Variants in POLR1B observed in about 807,000 individuals in gnomAD.
POLR1B encodes RNA polymerase I subunit B, also known as DNA-directed RNA polymerase I subunit RPA2.
A neutral mutation model predicts 105.8 loss-of-function variants in POLR1B; 30 were observed. The ratio of observed to expected loss-of-function variants is 0.28; its 90% CI spans 0.21 to 0.38. The LOEUF (loss-of-function observed/expected upper bound fraction) is 0.38. Ranked by LOEUF, POLR1B falls within the 10% of genes least tolerant of loss-of-function variation. POLR1B has a pLI of 1.00. For missense variants in POLR1B, 976 were observed against 1,435.8 expected (o/e 0.68, Z 5.17); for synonymous variants, 485 against 505.1 (o/e 0.96, Z 0.53).
chr2:112,553,508 C>T (rs1683483895), intron 7 of POLR1B: 2 of 151,990 alleles, frequency 1.3e-5, no homozygotes, highest in Non-Finnish European at 2.9e-5. Context: ...GAAACAGGGT[C>T]CCACTATGTT....
Position 112,564,502 on chromosome 2 carries a change from G to A in POLR1B, c.1746+3G>A, listed in dbSNP as rs1474759192. ...CAGATTCTCTTCGTCATTTTAAGGT[G>A]GGCTTGAGGCTTTGTGAATTGTCCT... On this transcript the variant is annotated splice_donor_region_variant and intron_variant, in intron 10 of 14. Transcript: ENST00000263331. The A allele has an allele frequency of 1.9e-6, 3 of 1,614,212 alleles. No individual in the cohort carries two copies. The East Asian group carries it at 6.7e-5, about 36-fold the overall frequency.
rs869087985 is a variant in POLR1B at position 112,546,544 on chromosome 2, C to CTTTTTTTTTTTT, written c.178-444_178-433dup. ...GAAGTTATGAGTAGACTGGAGGTAG[C>CTTTTTTTTTTTT]TTTTTTTTTTTTTTTTTTTTTTTTT... On this transcript the variant is annotated intron_variant, in intron 1 of 14. Coordinates refer to ENST00000263331, the MANE Select transcript of POLR1B (RefSeq NM_019014.6). Among the ~76,000 whole-genome samples the CTTTTTTTTTTTT allele has an allele frequency of 5.6e-5, 3 of 53,188 alleles. 1 individual carries two copies. The highest frequency in any genetic ancestry group is 8.0e-5 in the African/African-American group (1 of 12,498). The allele number at this position is 53,188 out of a possible 152,430, so 34.9% of individuals were successfully genotyped here.
chr2:112,573,754 G>A lies in POLR1B; in HGVS notation c.2464G>A (p.Gly822Arg), dbSNP rs768833046. 65 of 1,614,114 alleles carry A rather than the reference G, an allele frequency of 4.0e-5. No individual in the cohort carries two copies. The highest frequency in any genetic ancestry group is 5.0e-5 in the Non-Finnish European group (59 of 1,180,042). The change falls in exon 14 of 15, where the codon GGA (glycine) becomes AGA (arginine). Residue 822 changes from glycine (G) to arginine (R), a missense_variant. Coordinates refer to ENST00000263331, the MANE Select transcript of POLR1B (RefSeq NM_019014.6). Reference sequence around the variant, plus strand: ...GTTTATAGGAGCAAAACTGCAGTACGGAGATCCGTATTACAGCTACCTCAA... The same window carrying A: ...GTTTATAGGAGCAAAACTGCAGTACAGAGATCCGTATTACAGCTACCTCAA... The part of the protein sequence containing the change: ...LPFIGAKLQY[G>R]DPYYSYLNLN...
In POLR1B at chr2:112,567,967, G is replaced by A. The variant is rs1208312810; in HGVS notation, c.1747G>A (p.Val583Met). The A allele has an allele frequency of 3.7e-6, 6 of 1,613,484 alleles. No homozygotes were observed. In the African/African-American group the frequency reaches 8.0e-5, roughly 22 times the overall value. The change falls in exon 11 of 15, where the codon GTG (valine) becomes ATG (methionine). Residue 583 changes from valine (V) to methionine (M), a missense_variant and splice_region_variant. By Grantham distance (21) the Val-to-Met change is conservative. Transcript: ENST00000263331. ...GIADSLRHFK[V>M]LREKRIPPWM... ...TAAACTCTGTTTTTGTTAAAAACAG[G>A]TGTTGAGAGAGAAAAGAATTCCTCC...
At chr2:112,568,161 G>C (rs949152140) in intron 11 of POLR1B, 24 bp downstream of exon 11, 3 of 1,599,580 alleles carry the variant, frequency 1.9e-6, no homozygotes, top group Non-Finnish European at 2.6e-6. Context: ...TGTGATGGAT[G>C]AGTGTATGTG....
chr2:112,548,652 A>G (rs1468635180), intron 3 of POLR1B, among the ~76,000 whole-genome samples: 1 of 146,126 alleles, frequency 6.8e-6, no homozygotes, highest in Non-Finnish European at 1.5e-5. Flanking sequence ...TCCCTCTCTC[A>G]CCCAGGTTGG....
Position 112,558,064 on chromosome 2 carries a change from A to G in POLR1B, c.1313A>G (p.Asn438Ser). Residue 438 changes from asparagine to serine, a missense_variant, in exon 8 of 15, where the codon AAT (asparagine) becomes AGT (serine). Around this residue, in one of 12 missense-constraint regions of POLR1B, gnomAD observed 452 missense variants for 616.5 expected, o/e 0.73. Transcript: ENST00000263331. Reference sequence around the variant, plus strand: ...TTTGAATACCTTTTTGCTACTGGGAATCTGCGTTCTAAAACAGGTAAAATT... The same window carrying G: ...TTTGAATACCTTTTTGCTACTGGGAGTCTGCGTTCTAAAACAGGTAAAATT... ...KPFEYLFATG[N>S]LRSKTGLGLL... 7.4e-7 allele frequency: 1 copy of G among 1,345,038 alleles called. No individual in the cohort carries two copies. The highest frequency in any genetic ancestry group is 9.6e-7 in the Non-Finnish European group (1 of 1,036,786). 83.3% of individuals were successfully genotyped at this position (1,345,038 alleles called of 1,614,324 possible).
chr2:112,559,277 CT>C lies in POLR1B; in HGVS notation c.1331-12del. 1 of 1,609,814 alleles carries C rather than the reference CT, an allele frequency of 6.2e-7. No individual in the cohort carries two copies. Reference sequence around the variant, plus strand: ...AAAAGATTGGCCCATTTTTGAATGACTTTTGTTTTATTAAGGTCTTGGCCTC... The same window carrying C: ...AAAAGATTGGCCCATTTTTGAATGACTTTGTTTTATTAAGGTCTTGGCCTC... On this transcript the variant is annotated splice_polypyrimidine_tract_variant and intron_variant, in intron 8 of 14. Transcript: ENST00000263331.
In POLR1B at chr2:112,549,348, G is replaced by T; in HGVS notation, c.574G>T (p.Ala192Ser). 1 of 1,613,700 alleles carries T rather than the reference G, an allele frequency of 6.2e-7. No individual in the cohort carries two copies. The highest frequency in any genetic ancestry group is 8.5e-7 in the Non-Finnish European group (1 of 1,179,740). The part of the protein sequence containing the change: ...LIMPRRNFPI[A>S]MIRPKWKTRG... ...TATGCCTCGGAGAAATTTTCCCATT[G>T]CAATGATAAGACCAAAATGGAAAAC... is the stretch of plus-strand genomic sequence containing the variant. Residue 192 changes from alanine to serine, a missense_variant, in exon 4 of 15, where the codon GCA (alanine) becomes TCA (serine). Ala to Ser is a moderately conservative substitution (Grantham distance 99). Coordinates refer to ENST00000263331, the MANE Select transcript of POLR1B (RefSeq NM_019014.6).
chr2:112,556,941 A>AT (rs962942453), intron 7 of POLR1B, among the ~76,000 whole-genome samples: 1 of 152,174 alleles, frequency 6.6e-6, no homozygotes, highest in Non-Finnish European at 1.5e-5. Context: ...AACATGTATC[A>AT]TTTTTTTGTG....
chr2:112,572,867 GCAC>G, intron 13 of POLR1B, 109 bp downstream of exon 13: 4 of 923,900 alleles, frequency 4.3e-6, no homozygotes, highest in Non-Finnish European at 6.3e-6. Flanking sequence ...CTAGTATTTG[GCAC>G]GTGATGTTCT....
At chr2:112,564,194 C>A in intron 9 of POLR1B, 172 bp from the exon 10 acceptor site, 1 of 715,880 alleles carries the variant, frequency 1.4e-6, no homozygotes, top group East Asian at 2.8e-5. Context: ...ATTGATAAGC[C>A]TGCTTGAAAT....
chr2:112,578,893 CTG>C lies in POLR1B; in HGVS notation c.*3167_*3168del, dbSNP rs945739938. Among the ~76,000 whole-genome samples the C allele has an allele frequency of 2.0e-5, 3 of 152,048 alleles. No homozygotes were observed. The highest frequency in any genetic ancestry group is 6.6e-5 in the Admixed American group (1 of 15,264). ...TGTACTGTTCTCACATATTTTCAGA[CTG>C]TGGGTAACTGAAACTGCATAAAGCA... On this transcript the variant is annotated 3_prime_UTR_variant, in exon 15 of 15. Transcript: ENST00000263331.
At chr2:112,570,063 T>C (rs1044952427) in intron 12 of POLR1B, among the ~76,000 whole-genome samples, 17 of 151,456 alleles carry the variant, frequency 1.1e-4, no homozygotes, top group African/African-American at 1.9e-4. Flanking sequence ...TTTTTTTTTT[T>C]CCCGAGATGG....
chr2:112,547,642 T>C lies in POLR1B; in HGVS notation c.492+75T>C. On this transcript the variant is annotated intron_variant, in intron 3 of 14. Transcript: ENST00000263331. ...AGTAAGAAGACAAGAAGTGTGTCAG[T>C]GTTTTCTTTCTGTGCTCCAATTTCT... The C allele has an allele frequency of 2.0e-6, 3 of 1,505,186 alleles. No individual in the cohort carries two copies. In the South Asian group the frequency reaches 3.7e-5, roughly 19 times the overall value. 93.2% of individuals were successfully genotyped at this position (1,505,186 alleles called of 1,614,324 possible).
intron 12 of POLR1B, among the ~76,000 whole-genome samples, chr2:112,571,721 T>A (rs1057068219): frequency 6.6e-6 from 1 of 152,262 alleles, no homozygotes; most frequent in Admixed American, 6.5e-5. Context: ...CTCAGAACTC[T>A]ATTTCTTGGT....
chr2:112,566,050 G>A (rs1048620494), intron 10 of POLR1B, among the ~76,000 whole-genome samples: 1 of 152,020 alleles, frequency 6.6e-6, no homozygotes, highest in Non-Finnish European at 1.5e-5. Flanking sequence ...AGTAGAGGTG[G>A]GGTTTCACCA....
At chr2:112,558,239 C>T (rs1025392596) in intron 8 of POLR1B, among the ~76,000 whole-genome samples, 158 bp downstream of exon 8, 2 of 152,168 alleles carry the variant, frequency 1.3e-5, no homozygotes, top group Admixed American at 6.5e-5. Context: ...GGGCTTTAGA[C>T]AAGGTGTCTG....
chr2:112,571,597 G>A (rs973999743), intron 12 of POLR1B, among the ~76,000 whole-genome samples: 3 of 152,084 alleles, frequency 2.0e-5, no homozygotes, highest in African/African-American at 4.8e-5. Flanking sequence ...TCCCATGCAT[G>A]CATAGTTCAG....
Sources: allele counts gnomAD v4.1 joint callset (sites outside exome capture counted in the v4.1 genomes callset), GRCh38; gene constraint gnomAD v4.1.1; regional missense constraint gnomAD v4.1.1; transcripts MANE v1.5; gene names NCBI Gene and HGNC (gene_info 2026-07-23, HGNC 2026-07-21).